Variants in SLC44A1 observed in about 807,000 individuals in gnomAD.
SLC44A1 encodes the protein solute carrier family 44 member 1, also known as choline transporter-like protein 1.
Under a neutral mutation model 79.3 loss-of-function variants are expected in SLC44A1, and 26 were observed. The observed-to-expected ratio is 0.33, with a 90% CI of 0.24 to 0.46. The LOEUF is 0.46. Among genes scored for constraint, SLC44A1 ranks in the 20% least tolerant of loss-of-function variants. SLC44A1 has a pLI of 1.00. For missense variants in SLC44A1, 688 were observed against 798.1 expected (o/e 0.86, Z 1.66); for synonymous variants, 263 against 286.2 (o/e 0.92, Z 0.82).
chr9:105,330,664 C>T (rs1356479098), intron 3 of SLC44A1, among the ~76,000 whole-genome samples: 2 of 152,174 alleles, frequency 1.3e-5, no homozygotes, highest in East Asian at 1.9e-4. Context: ...CTGTCCTCCT[C>T]GTTCACCTTG....
intron 1 of SLC44A1, among the ~76,000 whole-genome samples, chr9:105,245,617 C>A (rs1829421543): frequency 6.6e-6 from 1 of 152,222 alleles, no homozygotes; most frequent in Admixed American, 6.5e-5. Context: ...GATTGGGCAC[C>A]TGGTGGGTGA....
rs1830808358 is a variant in SLC44A1, at chr9:105,299,167, A to G, written c.37-53A>G. ...ATAGCTGGTGTATTTGTGCCCTTCT[A>G]ACTTTAACTAAACTTAGCATTTAAC... On this transcript the variant is annotated intron_variant, in intron 1 of 15. Coordinates refer to ENST00000374720, the MANE Select transcript of SLC44A1 (RefSeq NM_080546.5). 3.0e-6 allele frequency: 4 copies of G among 1,341,574 alleles called. No homozygotes were observed. In the African/African-American group the frequency reaches 4.5e-5, roughly 15 times the overall value. 83.1% of individuals were successfully genotyped at this position (1,341,574 alleles called of 1,614,324 possible).
At chr9:105,308,716 A>T (rs1783839214) in intron 2 of SLC44A1, among the ~76,000 whole-genome samples, 1 of 152,214 alleles carries the variant, frequency 6.6e-6, no homozygotes, top group African/African-American at 2.4e-5. Flanking sequence ...CTTGGCTGTG[A>T]TTAATTAAAT....
chr9:105,351,594 A>AAGAGAGAAAGAGAGAG (rs10687403), intron 5 of SLC44A1, among the ~76,000 whole-genome samples: 2 of 107,816 alleles, frequency 1.9e-5, no homozygotes, highest in South Asian at 3.2e-4. Flanking sequence ...GAAAGAGAGA[A>AAGAGAGAAAGAGAGAG]AGAGAAAGAA....
intron 2 of SLC44A1, among the ~76,000 whole-genome samples, chr9:105,307,782 A>G (rs1831072327): frequency 6.6e-6 from 1 of 152,234 alleles, no homozygotes. Flanking sequence ...GCTGATTCAC[A>G]CATGTAAATA....
At chr9:105,420,909 G>A (rs1410614911) in intron 15 of SLC44A1, among the ~76,000 whole-genome samples, 1 of 148,818 alleles carries the variant, frequency 6.7e-6, no homozygotes, top group Admixed American at 6.7e-5. Context: ...AGATAGACGT[G>A]CTGTTGTGTT....
At chr9:105,340,859 A>G (rs1432131281) in intron 4 of SLC44A1, among the ~76,000 whole-genome samples, 1 of 152,186 alleles carries the variant, frequency 6.6e-6, no homozygotes, top group East Asian at 1.9e-4. Context: ...TTATTTCCTC[A>G]AATCTTTGTT....
rs1588695267 is a variant in SLC44A1, at chr9:105,244,834, G to A, written c.-35G>A. On this transcript the variant is annotated 5_prime_UTR_variant, in exon 1 of 16. Coordinates refer to ENST00000374720, the MANE Select transcript of SLC44A1 (RefSeq NM_080546.5). ...GAGGGGCTCCGGGGCGTAGCTGCGC[G>A]CCCGGCGCCGCCTCCGGGCTCCTTC... The A allele has an allele frequency of 1.8e-6, 2 of 1,105,090 alleles. No homozygotes were observed. Among genetic ancestry groups the A allele is most frequent in the Non-Finnish European group, 2.2e-6 (2 of 907,768 alleles). The allele number at this position is 1,105,090 out of a possible 1,614,324, so 68.5% of individuals were successfully genotyped here. A position where few individuals can be genotyped will look rare whatever the true frequency, so the allele number is the denominator to read the frequency against.
chr9:105,272,041 T>A (rs1830091386), intron 1 of SLC44A1, among the ~76,000 whole-genome samples: 1 of 152,254 alleles, frequency 6.6e-6, no homozygotes, highest in Non-Finnish European at 1.5e-5. Flanking sequence ...CAAGAGTCTG[T>A]TTTTATTTTT....
chr9:105,302,922 A>G (rs555124918), intron 2 of SLC44A1, among the ~76,000 whole-genome samples: 27 of 152,332 alleles, frequency 1.8e-4, no homozygotes, highest in Non-Finnish European at 3.1e-4. Context: ...AATGGTCCAG[A>G]TAAGAGGTGA....
chr9:105,256,117 A>G (rs924990347), intron 1 of SLC44A1, among the ~76,000 whole-genome samples: 3 of 151,978 alleles, frequency 2.0e-5, no homozygotes, highest in East Asian at 1.9e-4. Context: ...GACTCAAGCA[A>G]TCCTCCCACC....
At chr9:105,273,023 G>C (rs550820345) in intron 1 of SLC44A1, among the ~76,000 whole-genome samples, 6 of 148,972 alleles carry the variant, frequency 4.0e-5, no homozygotes, top group Admixed American at 1.3e-4. Flanking sequence ...ATGAAGTCTT[G>C]CTCTGTCACC....
chr9:105,418,044 G>A (rs371254849), intron 15 of SLC44A1, among the ~76,000 whole-genome samples: 6 of 151,992 alleles, frequency 3.9e-5, no homozygotes, highest in East Asian at 3.9e-4. Context: ...GGCTGGGTGC[G>A]GTGGCTCACG....
chr9:105,342,648 A>ACCCTT (rs1827132077), intron 4 of SLC44A1, among the ~76,000 whole-genome samples: 2 of 152,058 alleles, frequency 1.3e-5, no homozygotes, highest in Admixed American at 1.3e-4. Context: ...TCCATAGACC[A>ACCCTT]CCCTTCACTT....
chr9:105,251,040 C>G (rs141265952), intron 1 of SLC44A1, among the ~76,000 whole-genome samples: 47 of 152,248 alleles, frequency 3.1e-4, no homozygotes, highest in Non-Finnish European at 5.7e-4. Flanking sequence ...TTTCATCCCT[C>G]GTATGGCTTC....
At chr9:105,327,537 C>T (rs59003743) in intron 3 of SLC44A1, among the ~76,000 whole-genome samples, 2,211 of 152,280 alleles carry the variant, frequency 0.015, 58 homozygotes, top group African/African-American at 0.05. Flanking sequence ...CCCACCTCGG[C>T]CTCCCAAAGT....
chr9:105,253,447 G>C (rs1048326357), intron 1 of SLC44A1, among the ~76,000 whole-genome samples: 1 of 152,132 alleles, frequency 6.6e-6, no homozygotes, highest in African/African-American at 2.4e-5. Flanking sequence ...AATAAAAAAG[G>C]CTGGGTTTGG....
intron 13 of SLC44A1, among the ~76,000 whole-genome samples, chr9:105,382,081 T>C (rs1225648913): frequency 6.6e-6 from 1 of 152,186 alleles, no homozygotes; most frequent in East Asian, 1.9e-4. Context: ...TCTGAGTTTT[T>C]ATCTGAAAAG....
chr9:105,405,303 A>G (rs944560828), intron 15 of SLC44A1, among the ~76,000 whole-genome samples: 1 of 152,034 alleles, frequency 6.6e-6, no homozygotes, highest in Non-Finnish European at 1.5e-5. Context: ...CCTGGGCGAC[A>G]GAGCAAGACT....
Sources: allele counts gnomAD v4.1 joint callset (sites outside exome capture counted in the v4.1 genomes callset), GRCh38; gene constraint gnomAD v4.1.1; transcripts MANE v1.5; gene names NCBI Gene and HGNC (gene_info 2026-07-23, HGNC 2026-07-21).